Variants in ZNF350 observed in about 807,000 individuals in gnomAD.
ZNF350 encodes zinc finger protein 350.
ZNF350 carries 5 observed loss-of-function variants against 13.1 expected under a neutral mutation model. The ratio of observed to expected loss-of-function variants is 0.38; its 90% CI spans 0.20 to 0.80. The LOEUF (loss-of-function observed/expected upper bound fraction) is 0.80. Among genes scored for constraint, ZNF350 ranks in the 30% least tolerant of loss-of-function variants. The pLI is 0.43. For missense variants in ZNF350, 534 were observed against 644.2 expected (o/e 0.83, Z 1.85); for synonymous variants, 199 against 224.2 (o/e 0.89, Z 1.00).
chr19:51,980,612 G>A (rs372207424), intron 1 of ZNF350, among the ~76,000 whole-genome samples: 36 of 152,316 alleles, frequency 2.4e-4, no homozygotes, highest in African/African-American at 5.5e-4. Context: ...CAGCAATTGC[G>A]TCATCATTTT....
At chr19:51,966,988 C>G (rs2085600208) in intron 4 of ZNF350, among the ~76,000 whole-genome samples, 1 of 152,070 alleles carries the variant, frequency 6.6e-6, no homozygotes, top group Admixed American at 6.5e-5. Context: ...TGAGGTGTCT[C>G]TTAGTAATAA....
Position 51,965,404 on chromosome 19 carries a change from T to A in ZNF350, c.1049A>T (p.Glu350Val). ...TTTCTGAGAACAGGATTTTCCACAT[T>A]CACTGCACACAAAGGGCGTCTTTCC... ...HTGKTPFVCS[E>V]CGKSCSQKSG... The change falls in exon 5 of 5, where the codon GAA becomes GTA. Residue 350 changes from glutamate to valine, a missense_variant. By Grantham distance (121) the Glu-to-Val change is moderately radical. Transcript: ENST00000243644. The A allele has an allele frequency of 6.2e-7, 1 of 1,614,204 alleles. No homozygotes were observed. The highest frequency in any genetic ancestry group is 1.1e-5 in the South Asian group (1 of 91,078).
At chr19:51,982,640 C>T (rs11671547) in intron 1 of ZNF350, among the ~76,000 whole-genome samples, 47,540 of 151,922 alleles carry the variant, frequency 0.31, 7,705 homozygotes, top group South Asian at 0.56. Flanking sequence ...ATCACAGTCA[C>T]AATCCCAAAC....
intron 1 of ZNF350, among the ~76,000 whole-genome samples, chr19:51,981,673 C>T (rs2086049082): frequency 6.6e-6 from 1 of 152,062 alleles, no homozygotes; most frequent in South Asian, 2.1e-4. Context: ...ATAACTATAT[C>T]TCAGACAAAA....
At chr19:51,970,570 C>A (rs7253957) in intron 2 of ZNF350, among the ~76,000 whole-genome samples, 32,626 of 151,926 alleles carry the variant, frequency 0.21, 3,889 homozygotes, top group African/African-American at 0.31. Context: ...GAGGGCCAAC[C>A]ATATATCACA....
At chr19:51,983,380 G>C (rs1294272775) in intron 1 of ZNF350, among the ~76,000 whole-genome samples, 1 of 152,186 alleles carries the variant, frequency 6.6e-6, no homozygotes, top group East Asian at 1.9e-4. Context: ...CACTCGTAAA[G>C]GGTCTGTGCT....
Position 51,964,826 on chromosome 19 carries a change from C to G in ZNF350, c.*28G>C. On this transcript the variant is annotated 3_prime_UTR_variant, in exon 5 of 5. Transcript: ENST00000243644. ...ATGAACTACAAATTTTTGCTCAACC[C>G]TTTTCCACATAGATCTGAGTTTTCT... 1.7e-5 allele frequency: 27 copies of G among 1,580,120 alleles called. No individual in the cohort carries two copies. The highest frequency in any genetic ancestry group is 2.3e-5 in the Non-Finnish European group (27 of 1,161,162).
In ZNF350 at chr19:51,966,272, G is replaced by GT. The variant is rs2085565617; in HGVS notation, c.239-59_239-58insA. ...TAGATTTGGGGTAAAAGTTTGTTGT[G>GT]GTTTTTTTGTTTTTTTTGTTTTTTT... On this transcript the variant is annotated intron_variant, in intron 4 of 4. Transcript: ENST00000243644. The GT allele has an allele frequency of 1.1e-5, 16 of 1,464,858 alleles. No individual in the cohort carries two copies. In the South Asian group the frequency reaches 1.4e-4, roughly 12 times the overall value. The allele number at this position is 1,464,858 out of a possible 1,614,324, so 90.7% of individuals were successfully genotyped here. A position where few individuals can be genotyped will look rare whatever the true frequency, so the allele number is the denominator to read the frequency against.
Position 51,966,173 on chromosome 19 carries a change from C to T in ZNF350, c.280G>A (p.Glu94Lys), listed in dbSNP as rs779587419. 2 of 1,609,532 alleles carry T rather than the reference C, an allele frequency of 1.2e-6. No homozygotes were observed. The highest frequency in any genetic ancestry group is 1.1e-5 in the South Asian group (1 of 89,838). ...GGTTTCCTTCTGTTCACCAGGCTTTCACTCTGCAAGCGCTCCAGCACATGA... is the reference window on the plus strand; with the variant it reads ...GGTTTCCTTCTGTTCACCAGGCTTTTACTCTGCAAGCGCTCCAGCACATGA... ...VDHVLERLQS[E>K]SLVNRRKPCH... is the part of the protein sequence containing the mutation. The change falls in exon 5 of 5, where the codon GAA becomes AAA. Residue 94 changes from glutamate to lysine, a missense_variant. Physicochemically the swap from Glu to Lys is moderately conservative, Grantham distance 56. Coordinates refer to ENST00000243644, the MANE Select transcript of ZNF350 (RefSeq NM_021632.4).
intron 4 of ZNF350, among the ~76,000 whole-genome samples, chr19:51,967,676 G>A (rs1036633485): frequency 3.3e-5 from 5 of 152,156 alleles, no homozygotes; most frequent in African/African-American, 7.2e-5. Flanking sequence ...CCAAATGGAA[G>A]TAGGCGGGAG....
chr19:51,974,274 TTGA>T, intron 2 of ZNF350, 69 bp downstream of exon 2: 1 of 1,512,148 alleles, frequency 6.6e-7, no homozygotes, highest in Non-Finnish European at 9.1e-7. Flanking sequence ...ATTAGTGAAA[TTGA>T]TGTTTATAGG....
In ZNF350 at chr19:51,966,078, A is replaced by AT. The variant is rs1260333993; in HGVS notation, c.374dup (p.Asn125LysfsTer3). On this transcript the variant is annotated frameshift_variant, in exon 5 of 5. Coordinates refer to ENST00000243644, the MANE Select transcript of ZNF350 (RefSeq NM_021632.4). LOFTEE classifies it low-confidence loss of function (END_TRUNC). ...TTCCACGTAAGTCAAATATATCATG[A>AT]TTTTGCCCTAACAGAAACTGACTTT... 5.6e-6 allele frequency: 9 copies of AT among 1,614,034 alleles called. No individual in the cohort carries two copies. Among genetic ancestry groups the AT allele is most frequent in the Non-Finnish European group, 7.6e-6 (9 of 1,180,018 alleles).
At chr19:51,966,323 G>A in intron 4 of ZNF350, 109 bp from the exon 5 acceptor site, 18 of 1,173,574 alleles carry the variant, frequency 1.5e-5, no homozygotes, top group Non-Finnish European at 2.1e-5. Context: ...TTACTCCGTT[G>A]TCCAGGCTGG....
chr19:51,967,496 A>C (rs1022086088), intron 4 of ZNF350: 2 of 152,228 alleles, frequency 1.3e-5, no homozygotes, highest in Non-Finnish European at 2.9e-5. Context: ...GGAACACACC[A>C]GGCAGGGTTT....
Position 51,968,667 on chromosome 19 carries a change from T to G in ZNF350, c.149A>C (p.Gln50Pro). Residue 50 changes from glutamine to proline, a missense_variant, in exon 4 of 5, where the codon CAA (glutamine) becomes CCA (proline). Physicochemically the swap from Gln to Pro is moderately conservative, Grantham distance 76. Transcript: ENST00000243644. ...GAAGAGTGCATCCGGTTTGCTGGCT[T>G]GATACCCTGTTCATGGAAAATGATA... is the stretch of plus-strand genomic sequence containing the variant. ...NYSNLVAVGY[Q>P]ASKPDALFKL... The G allele has an allele frequency of 1.2e-6, 2 of 1,614,092 alleles. No individual in the cohort carries two copies. Among genetic ancestry groups the G allele is most frequent in the Non-Finnish European group, 8.5e-7 (1 of 1,179,978 alleles).
intron 1 of ZNF350, chr19:51,982,023 G>A (rs2086057636): frequency 1.3e-5 from 2 of 152,122 alleles, no homozygotes; most frequent in South Asian, 4.1e-4. Flanking sequence ...CTTTCTGATA[G>A]GGGTTCCCCT....
At chr19:51,983,374 C>T (rs541021814) in intron 1 of ZNF350, among the ~76,000 whole-genome samples, 28 of 152,322 alleles carry the variant, frequency 1.8e-4, no homozygotes, top group Non-Finnish European at 3.7e-4. Flanking sequence ...GCCCAACACT[C>T]GTAAAGGGTC....
At chr19:51,983,267 T>A (rs1432741092) in intron 1 of ZNF350, among the ~76,000 whole-genome samples, 1 of 152,186 alleles carries the variant, frequency 6.6e-6, no homozygotes, top group African/African-American at 2.4e-5. Flanking sequence ...CGCAGGGACC[T>A]CTGCCCAAGA....
chr19:51,978,024 G>GA (rs1378363984), intron 1 of ZNF350, among the ~76,000 whole-genome samples: 1 of 152,166 alleles, frequency 6.6e-6, no homozygotes, highest in Non-Finnish European at 1.5e-5. Flanking sequence ...CTCCCTAGCA[G>GA]AAAAAACAGC....
Sources: allele counts gnomAD v4.1 joint callset (sites outside exome capture counted in the v4.1 genomes callset), GRCh38; gene constraint gnomAD v4.1.1; transcripts MANE v1.5; gene names NCBI Gene and HGNC (gene_info 2026-07-23, HGNC 2026-07-21).